KCNH7: variants seen among roughly 807,000 people sequenced by gnomAD.
KCNH7 encodes the protein potassium voltage-gated channel subfamily H member 7.
In KCNH7, 49 loss-of-function variants were observed where a neutral mutation model predicts 120.8. The ratio of observed to expected loss-of-function variants is 0.41; its 90% confidence interval spans 0.32 to 0.51. KCNH7 has a LOEUF of 0.51. Ranked by LOEUF, KCNH7 falls within the 20% of genes least tolerant of loss-of-function variation. The pLI, the probability that KCNH7 is intolerant of heterozygous loss-of-function variation, is 0.38. For synonymous variants in KCNH7, 547 were observed against 516.1 expected, an observed-to-expected ratio of 1.06 and a Z score of -0.81; for missense variants, 1,097 against 1,446.6, an observed-to-expected ratio of 0.76 and a Z score of 3.92.
At position 162,549,371 on chromosome 2, in the gene KCNH7, A is replaced by G. The variant is rs77558340; in HGVS notation, c.308-12291T>C. Among the ~76,000 whole-genome samples, 796 of 152,380 alleles carry G rather than the reference A, an allele frequency of 5.2e-3. 5 individuals carry two copies. Among genetic ancestry groups the G allele is most frequent in the African/African-American group, 0.016 (675 of 41,594 alleles). On this transcript the variant is annotated intron_variant, in intron 2 of 15. Transcript: ENST00000332142. The stretch of plus-strand genomic sequence containing the variant: ...GGTTAAGCCGTTAGCTTCTCTAAAC[A>G]GGAACTTTCATCAAAACACCAATGG...
intron 2 of KCNH7, among the ~76,000 whole-genome samples, chr2:162,700,355 T>C (rs1354469932): frequency 1.3e-5 from 2 of 152,178 alleles, no homozygotes; most frequent in African/African-American, 4.8e-5. Flanking sequence ...TCCCTGTTCA[T>C]GCTGCAAGCT....
chr2:162,477,855 T>C (rs1292031360), intron 6 of KCNH7, among the ~76,000 whole-genome samples: 2 of 151,740 alleles, frequency 1.3e-5, no homozygotes, highest in Non-Finnish European at 2.9e-5. Context: ...CATCCATCCA[T>C]CCATTTGCCC....
At chr2:162,578,439 C>G (rs1218076587) in intron 2 of KCNH7, among the ~76,000 whole-genome samples, 2 of 151,966 alleles carry the variant, frequency 1.3e-5, no homozygotes, top group Non-Finnish European at 2.9e-5. Context: ...GGTGACACAT[C>G]TAAAGCATGA....
intron 2 of KCNH7, among the ~76,000 whole-genome samples, chr2:162,694,477 AGTGTGTGTGT>A (rs71009366): frequency 1.4e-5 from 2 of 146,302 alleles, no homozygotes; most frequent in Non-Finnish European, 3.0e-5. Flanking sequence ...TGTGTGAAAG[AGTGTGTGTGT>A]GTGTGTGTGT....
At chr2:162,428,426 T>C (rs1687938943) in intron 8 of KCNH7, among the ~76,000 whole-genome samples, 7 of 151,590 alleles carry the variant, frequency 4.6e-5, no homozygotes. Context: ...CATTTTCAAA[T>C]TTATTGAGAC....
At chr2:162,560,540 T>A (rs1480331357) in intron 2 of KCNH7, among the ~76,000 whole-genome samples, 1 of 152,176 alleles carries the variant, frequency 6.6e-6, no homozygotes, top group Non-Finnish European at 1.5e-5. Flanking sequence ...CAGAAGATAA[T>A]GTATCATGCC....
At chr2:162,609,785 C>A (rs758322669) in intron 2 of KCNH7, among the ~76,000 whole-genome samples, 1 of 152,062 alleles carries the variant, frequency 6.6e-6, no homozygotes, top group Non-Finnish European at 1.5e-5. Flanking sequence ...AATAGCGACT[C>A]CTGAATAGTC....
At chr2:162,376,075 A>G (rs1686164851) in intron 14 of KCNH7, among the ~76,000 whole-genome samples, 1 of 152,122 alleles carries the variant, frequency 6.6e-6, no homozygotes, top group African/African-American at 2.4e-5. Flanking sequence ...TGAAGTTAAT[A>G]TTTTCATTCA....
chr2:162,643,085 C>A (rs180966039), intron 2 of KCNH7, among the ~76,000 whole-genome samples: 14 of 152,214 alleles, frequency 9.2e-5, no homozygotes, highest in African/African-American at 3.1e-4. Context: ...TTAGAGAAAT[C>A]CAGACTTAAT....
intron 3 of KCNH7, among the ~76,000 whole-genome samples, chr2:162,524,468 GC>G (rs1311895826): frequency 6.6e-6 from 1 of 152,018 alleles, no homozygotes; most frequent in East Asian, 1.9e-4. Flanking sequence ...TGGGCTTAGG[GC>G]CACAGTGTCC....
intron 12 of KCNH7, among the ~76,000 whole-genome samples, chr2:162,390,787 G>A (rs78161175): frequency 6.6e-6 from 1 of 151,786 alleles, no homozygotes; most frequent in Admixed American, 6.6e-5. Context: ...AGGGAAGTGG[G>A]ATTTTTCCTT....
chr2:162,437,507 A>G (rs1322056577), intron 7 of KCNH7, among the ~76,000 whole-genome samples: 1 of 152,142 alleles, frequency 6.6e-6, no homozygotes, highest in Non-Finnish European at 1.5e-5. Flanking sequence ...TATTATCAAT[A>G]TTTTAGCTTA....
chr2:162,616,545 T>C (rs371396596), intron 2 of KCNH7, among the ~76,000 whole-genome samples: 1 of 152,190 alleles, frequency 6.6e-6, no homozygotes, highest in Non-Finnish European at 1.5e-5. Context: ...GGTCAGATTG[T>C]ATGGTGTTTA....
chr2:162,699,309 C>T (rs1281081512), intron 2 of KCNH7, among the ~76,000 whole-genome samples: 2 of 152,106 alleles, frequency 1.3e-5, no homozygotes, highest in African/African-American at 4.8e-5. Flanking sequence ...TCTTATTTCA[C>T]CGAATGTCCT....
chr2:162,663,465 C>T (rs1443615540), intron 2 of KCNH7, among the ~76,000 whole-genome samples: 1 of 152,080 alleles, frequency 6.6e-6, no homozygotes, highest in Non-Finnish European at 1.5e-5. Context: ...CTCTTTTTCA[C>T]TTTCCTCTTA....
intron 6 of KCNH7, among the ~76,000 whole-genome samples, chr2:162,447,734 A>G (rs189689563): frequency 9.9e-5 from 15 of 152,212 alleles, no homozygotes; most frequent in Admixed American, 9.8e-4. Context: ...GTAATGAATT[A>G]TGTCACGTGT....
At chr2:162,760,132 C>T (rs1031504849) in intron 2 of KCNH7, among the ~76,000 whole-genome samples, 1 of 152,044 alleles carries the variant, frequency 6.6e-6, no homozygotes, top group Non-Finnish European at 1.5e-5. Flanking sequence ...ACTTATTTAT[C>T]TTCAAAAACA....
At chr2:162,375,479 C>G (rs1686131409) in intron 14 of KCNH7, among the ~76,000 whole-genome samples, 2 of 152,168 alleles carry the variant, frequency 1.3e-5, no homozygotes, top group Non-Finnish European at 2.9e-5. Flanking sequence ...GTAATTGCAG[C>G]ACACTGCCAT....
intron 6 of KCNH7, chr2:162,502,061 A>G (rs796896009): frequency 3.3e-5 from 5 of 152,034 alleles, no homozygotes; most frequent in African/African-American, 9.7e-5. Context: ...TTTGAAGGTA[A>G]ATTTTCCAGA....
Sources: allele counts gnomAD v4.1 joint callset (sites outside exome capture counted in the v4.1 genomes callset), GRCh38; gene constraint gnomAD v4.1.1; transcripts MANE v1.5; gene names NCBI Gene and HGNC (gene_info 2026-07-23, HGNC 2026-07-21).